XKR9: variants seen among roughly 807,000 people sequenced by gnomAD.
XKR9 encodes XK-related protein 9.
In XKR9, 32 loss-of-function variants were observed where a neutral mutation model predicts 32.0. The ratio of observed to expected loss-of-function variants is 1.00; its 90% CI spans 0.76 to 1.34. The LOEUF (loss-of-function observed/expected upper bound fraction) is 1.34. Ranked by LOEUF, XKR9 falls within the 40% of genes most tolerant of loss-of-function variation. XKR9 has a pLI of 0.00. For missense variants in XKR9, 546 were observed against 429.7 expected (o/e 1.27, Z -2.39); for synonymous variants, 168 against 143.4 (o/e 1.17, Z -1.22).
chr8:70,755,077 AC>A (rs1234014775), intron 2 of XKR9, among the ~76,000 whole-genome samples: 1 of 152,188 alleles, frequency 6.6e-6, no homozygotes, highest in Non-Finnish European at 1.5e-5. Context: ...GAAAAAAACA[AC>A]CCCATCAAAA....
intron 2 of XKR9, among the ~76,000 whole-genome samples, chr8:70,776,923 T>TTCTTTCTCTCTCTCTCTC (rs1554556844): frequency 6.7e-5 from 4 of 59,620 alleles, no homozygotes; most frequent in African/African-American, 2.2e-4. Context: ...TTCTCTTTCT[T>TTCTTTCTCTCTCTCTCTC]TCTCTCTCTC....
chr8:70,877,195 A>G, the XKR9 span, among the ~76,000 whole-genome samples: 1 of 152,156 alleles, frequency 6.6e-6, no homozygotes, highest in Non-Finnish European at 1.5e-5. Flanking sequence ...GAACTCATTC[A>G]CTATCACAAG....
downstream of XKR9, among the ~76,000 whole-genome samples, chr8:70,794,932 G>A (rs1807809887): frequency 6.6e-6 from 1 of 151,506 alleles, no homozygotes; most frequent in South Asian, 2.1e-4. Context: ...CTGTTTTCTG[G>A]AAGAGTTTGT....
the XKR9 span, among the ~76,000 whole-genome samples, chr8:70,994,321 T>G: frequency 6.6e-6 from 1 of 152,158 alleles, no homozygotes. Context: ...AGTTTTTGTT[T>G]GCCTGAGAAA....
chr8:70,870,425 C>A, the XKR9 span, among the ~76,000 whole-genome samples: 1 of 152,116 alleles, frequency 6.6e-6, no homozygotes, highest in South Asian at 2.1e-4. Flanking sequence ...TTGAAATCAG[C>A]CCAGACATCA....
At chr8:70,859,093 A>G in the XKR9 span, among the ~76,000 whole-genome samples, 5 of 152,152 alleles carry the variant, frequency 3.3e-5, no homozygotes, top group Admixed American at 1.3e-4. Flanking sequence ...AATATTTGCA[A>G]ATTACCCATC....
chr8:71,023,930 T>C, the XKR9 span, among the ~76,000 whole-genome samples: 2 of 152,124 alleles, frequency 1.3e-5, no homozygotes, highest in Non-Finnish European at 1.5e-5. Flanking sequence ...GCTTGGGCAC[T>C]GGCAACAGGT....
the XKR9 span, among the ~76,000 whole-genome samples, chr8:71,032,280 TCAAAAAAA>T: frequency 6.8e-5 from 2 of 29,260 alleles, no homozygotes. Flanking sequence ...TGAGACTCTG[TCAAAAAAA>T]AAAAAAAAAA....
chr8:70,942,773 C>T, the XKR9 span, among the ~76,000 whole-genome samples: 2 of 152,058 alleles, frequency 1.3e-5, no homozygotes, highest in Non-Finnish European at 2.9e-5. Flanking sequence ...ATAATGTACA[C>T]GGTACACAGA....
chr8:70,816,127 C>T, the XKR9 span, among the ~76,000 whole-genome samples: 1 of 152,024 alleles, frequency 6.6e-6, no homozygotes, highest in Non-Finnish European at 1.5e-5. Context: ...TCTAAAAAAA[C>T]AAGCAAAAAT....
chr8:70,955,000 T>C, the XKR9 span, among the ~76,000 whole-genome samples: 1 of 152,214 alleles, frequency 6.6e-6, no homozygotes. Context: ...CTCTTCTCCA[T>C]GGAATTATAA....
At chr8:70,679,118 G>A (rs1048254019) in intron 2 of XKR9, among the ~76,000 whole-genome samples, 3 of 152,008 alleles carry the variant, frequency 2.0e-5, no homozygotes, top group Admixed American at 6.6e-5. Flanking sequence ...CCTTTTCTCT[G>A]GTGTTGCTTC....
the XKR9 span, among the ~76,000 whole-genome samples, chr8:71,040,720 G>A: frequency 6.6e-6 from 1 of 151,958 alleles, no homozygotes; most frequent in Non-Finnish European, 1.5e-5. Flanking sequence ...ATATAATTTT[G>A]TCTTATCTTT....
chr8:70,722,379 T>G (rs1806312299), intron 4 of XKR9, among the ~76,000 whole-genome samples: 1 of 152,214 alleles, frequency 6.6e-6, no homozygotes, highest in African/African-American at 2.4e-5. Flanking sequence ...TTGATGCAGT[T>G]TCTTCATAGT....
In XKR9 at chr8:70,706,951, A is replaced by G; in HGVS notation, c.291A>G (p.Lys97=). The change falls in exon 4 of 5, where the codon AAA becomes AAG. Residue 97 remains lysine, a synonymous_variant. Coordinates refer to ENST00000408926, the MANE Select transcript of XKR9 (RefSeq NM_001011720.2). Reference sequence around the variant, plus strand: ...TTTATAGGTATTGGTTTGCCTTAAAAAGGGGTTACCATGCAGCTTTTAAAT... The same window carrying G: ...TTTATAGGTATTGGTTTGCCTTAAAGAGGGGTTACCATGCAGCTTTTAAAT... The part of the protein sequence containing the change: ...GVFTRYWFAL[K]RGYHAAFKYD... 6.2e-7 allele frequency: 1 copy of G among 1,612,386 alleles called. No individual in the cohort carries two copies. Among genetic ancestry groups the G allele is most frequent in the Non-Finnish European group, 8.5e-7 (1 of 1,178,940 alleles).
the XKR9 span, among the ~76,000 whole-genome samples, chr8:70,918,550 C>G: frequency 4.1e-4 from 63 of 151,926 alleles, no homozygotes; most frequent in African/African-American, 1.5e-3. Context: ...TCTTCCAGAG[C>G]TCCTGTAAAG....
chr8:71,006,364 G>A, the XKR9 span, among the ~76,000 whole-genome samples: 64,026 of 151,948 alleles, frequency 0.42, 14,565 homozygotes, highest in Non-Finnish European at 0.52. Context: ...AGCTATCATT[G>A]GCGTTAGTAT....
At chr8:70,928,496 A>G in the XKR9 span, among the ~76,000 whole-genome samples, 2 of 152,274 alleles carry the variant, frequency 1.3e-5, no homozygotes, top group African/African-American at 2.4e-5. Context: ...AGGTTAATGA[A>G]ATATGTGCAA....
chr8:70,997,253 C>T, the XKR9 span, among the ~76,000 whole-genome samples: 65 of 151,834 alleles, frequency 4.3e-4, no homozygotes, highest in African/African-American at 1.1e-3. Flanking sequence ...GCTGAGATTG[C>T]GCCACTGCAC....
Sources: allele counts gnomAD v4.1 joint callset (sites outside exome capture counted in the v4.1 genomes callset), GRCh38; gene constraint gnomAD v4.1.1; transcripts MANE v1.5; gene names NCBI Gene and HGNC (gene_info 2026-07-23, HGNC 2026-07-21).